A1CF: variants seen among roughly 807,000 people sequenced by gnomAD.
The protein encoded by A1CF is APOBEC1 complementation factor, also known as APOBEC-1 stimulating protein.
A1CF carries 48 observed loss-of-function variants against 68.9 expected under a neutral mutation model. The ratio of observed to expected loss-of-function variants is 0.70; its 90% CI spans 0.55 to 0.89. The LOEUF (loss-of-function observed/expected upper bound fraction) is 0.89. A1CF is among the 40% of genes least tolerant of loss of function. The probability of loss-of-function intolerance (pLI) is 0.00; values close to 1 mark genes in which losing one functional copy is unlikely to be tolerated. For missense variants in A1CF, 653 were observed against 718.9 expected (o/e 0.91, Z 1.05); for synonymous variants, 272 against 260.4 (o/e 1.04, Z -0.43).
At chr10:50,860,918 G>C (rs138335849) in intron 2 of A1CF, among the ~76,000 whole-genome samples, 186 of 152,276 alleles carry the variant, frequency 1.2e-3, no homozygotes, top group African/African-American at 4.3e-3. Context: ...TAGTGGCTCA[G>C]GGAAGGTTCT....
chr10:50,836,487 T>G (rs928462586), intron 5 of A1CF, among the ~76,000 whole-genome samples, 175 bp from the exon 6 acceptor site: 1 of 152,198 alleles, frequency 6.6e-6, no homozygotes, highest in African/African-American at 2.4e-5. Flanking sequence ...TGTCAACATG[T>G]GCTCTACATT....
At chr10:50,861,617 A>G (rs1303803491) in intron 2 of A1CF, among the ~76,000 whole-genome samples, 1 of 148,096 alleles carries the variant, frequency 6.8e-6, no homozygotes, top group Non-Finnish European at 1.5e-5. Flanking sequence ...TATTACTAAT[A>G]ACACTAGTAT....
At chr10:50,837,956 A>G (rs1839587426) in intron 5 of A1CF, among the ~76,000 whole-genome samples, 1 of 152,234 alleles carries the variant, frequency 6.6e-6, no homozygotes, top group Non-Finnish European at 1.5e-5. Context: ...TAAAATATCA[A>G]CATAGTGGTT....
intron 3 of A1CF, among the ~76,000 whole-genome samples, chr10:50,857,999 T>G (rs528002627): frequency 2.0e-4 from 30 of 152,182 alleles, no homozygotes; most frequent in Non-Finnish European, 2.2e-4. Flanking sequence ...GTAAAAACTT[T>G]CCTTTACCAT....
intron 1 of A1CF, among the ~76,000 whole-genome samples, chr10:50,873,900 TAG>T (rs1841386712): frequency 6.6e-6 from 1 of 152,100 alleles, no homozygotes; most frequent in Admixed American, 6.6e-5. Context: ...ACCACTGTCT[TAG>T]AGTTTATCAG....
chr10:50,824,646 G>A (rs151086772), intron 7 of A1CF: 1 of 150,342 alleles, frequency 6.7e-6, no homozygotes, highest in Non-Finnish European at 1.5e-5. Context: ...ACAGTGCCTG[G>A]CATGTAGGAG....
At chr10:50,831,476 C>T (rs982817984) in intron 6 of A1CF, among the ~76,000 whole-genome samples, 2 of 152,176 alleles carry the variant, frequency 1.3e-5, no homozygotes, top group African/African-American at 4.8e-5. Flanking sequence ...CACCTGTAAT[C>T]CCAGCACTTT....
At chr10:50,817,277 A>G (rs911370650) in intron 8 of A1CF, among the ~76,000 whole-genome samples, 4 of 152,192 alleles carry the variant, frequency 2.6e-5, no homozygotes, top group African/African-American at 4.8e-5. Context: ...TCTGTTTTAT[A>G]TAAAGAACAC....
chr10:50,858,522 C>T (rs567862120), intron 3 of A1CF, among the ~76,000 whole-genome samples: 2 of 151,920 alleles, frequency 1.3e-5, no homozygotes, highest in Non-Finnish European at 2.9e-5. Flanking sequence ...ATATTTCTAT[C>T]TTATATTATG....
intron 6 of A1CF, among the ~76,000 whole-genome samples, chr10:50,831,090 A>G (rs1186261039): frequency 6.6e-6 from 1 of 152,226 alleles, no homozygotes; most frequent in Non-Finnish European, 1.5e-5. Context: ...CTTATCTTAC[A>G]ATATACACAT....
intron 1 of A1CF, among the ~76,000 whole-genome samples, chr10:50,867,705 A>C (rs1841057707): frequency 6.6e-6 from 1 of 152,250 alleles, no homozygotes; most frequent in Admixed American, 6.5e-5. Flanking sequence ...GTCATTGTGA[A>C]TGACAGGCAG....
At chr10:50,829,537 C>T (rs1839138336) in intron 6 of A1CF, among the ~76,000 whole-genome samples, 1 of 152,002 alleles carries the variant, frequency 6.6e-6, no homozygotes, top group Non-Finnish European at 1.5e-5. Flanking sequence ...CATCCGTGGC[C>T]CTGGCATTCT....
chr10:50,827,792 C>A (rs1035735528), intron 7 of A1CF, among the ~76,000 whole-genome samples: 1 of 151,914 alleles, frequency 6.6e-6, no homozygotes, highest in African/African-American at 2.4e-5. Context: ...AAGATCAGAG[C>A]AGAACTGAAT....
At chr10:50,839,037 A>T (rs1839652608) in intron 5 of A1CF, among the ~76,000 whole-genome samples, 2 of 152,112 alleles carry the variant, frequency 1.3e-5, no homozygotes, top group African/African-American at 4.8e-5. Flanking sequence ...CAGCACTGAG[A>T]TGTATGTATA....
In A1CF at chr10:50,842,090, A is replaced by G. The variant is rs1839810267; in HGVS notation, c.235-98T>C. On this transcript the variant is annotated intron_variant, in intron 4 of 12. Transcript: ENST00000373997. ...ACACACACAAACACACACACACACA[A>G]TGCTTTCTGAAGTTTGCCTCCTGCC... The G allele has an allele frequency of 8.1e-6, 9 of 1,116,104 alleles. No individual in the cohort carries two copies. The South Asian group carries it at 1.2e-4, about 15-fold the overall frequency. The allele number at this position is 1,116,104 out of a possible 1,614,324, so 69.1% of individuals were successfully genotyped here.
At chr10:50,845,099 C>A (rs1839939601) in intron 3 of A1CF, among the ~76,000 whole-genome samples, 1 of 152,042 alleles carries the variant, frequency 6.6e-6, no homozygotes, top group Non-Finnish European at 1.5e-5. Flanking sequence ...TCATATGAGT[C>A]TTCTACTTTG....
chr10:50,863,036 A>G (rs571987422), intron 2 of A1CF: 1 of 152,368 alleles, frequency 6.6e-6, no homozygotes, highest in South Asian at 2.1e-4. Context: ...GTTAATAATT[A>G]GTAAAGGTTA....
At chr10:50,809,750 G>T in intron 12 of A1CF, 144 bp downstream of exon 12, 1 of 1,252,966 alleles carries the variant, frequency 8.0e-7, no homozygotes. Context: ...TCACTCATTT[G>T]GGAAACTCTT....
chr10:50,831,198 G>T (rs548245210), intron 6 of A1CF, among the ~76,000 whole-genome samples: 2 of 152,262 alleles, frequency 1.3e-5, no homozygotes, highest in African/African-American at 4.8e-5. Flanking sequence ...CATTGGTCTG[G>T]GCAGTTATTT....
Sources: gnomAD v4.1 joint callset for allele counts (sites outside exome capture counted in the v4.1 genomes callset) on GRCh38, gnomAD v4.1.1 for gene constraint, MANE v1.5 for transcripts, NCBI Gene and HGNC (gene_info 2026-07-23, HGNC 2026-07-21) for gene names.